The following SYTL3 variants were observed in gnomAD, a reference collection of about 807,000 sequenced individuals.
The protein encoded by SYTL3 is synaptotagmin-like protein 3.
In SYTL3, 88 loss-of-function variants were observed where a neutral mutation model predicts 82.1. The observed-to-expected ratio is 1.07, with a 90% confidence interval of 0.90 to 1.28. The LOEUF (loss-of-function observed/expected upper bound fraction) is 1.28, where lower values mean the gene tolerates loss of function less well. Ranked by LOEUF, SYTL3 falls within the 50% of genes most tolerant of loss-of-function variation. The probability of loss-of-function intolerance (pLI) is 0.00; values close to 1 mark genes in which losing one functional copy is unlikely to be tolerated. For synonymous variants in SYTL3, 311 were observed against 289.4 expected (o/e 1.07, Z -0.76); for missense variants, 831 against 757.6 (o/e 1.10, Z -1.14).
intron 5 of SYTL3, among the ~76,000 whole-genome samples, chr6:158,670,112 T>A (rs1777196930): frequency 2.0e-5 from 3 of 152,374 alleles, no homozygotes; most frequent in Non-Finnish European, 4.4e-5. Context: ...TCTAATTATG[T>A]TTCTGCCTAA....
At chr6:158,665,255 C>A in intron 4 of SYTL3, 140 bp from the exon 5 acceptor site, 1 of 720,752 alleles carries the variant, frequency 1.4e-6, no homozygotes, top group Non-Finnish European at 2.3e-6. Flanking sequence ...GCCCAGTTCA[C>A]ACAGCCATGT....
intron 8 of SYTL3, among the ~76,000 whole-genome samples, chr6:158,711,234 A>G (rs1583326917): frequency 6.6e-6 from 1 of 152,274 alleles, no homozygotes; most frequent in East Asian, 1.9e-4. Flanking sequence ...TACTCATATC[A>G]CAGGCTTTTT....
At chr6:158,686,205 T>C (rs977740861) in intron 6 of SYTL3, among the ~76,000 whole-genome samples, 9 of 152,218 alleles carry the variant, frequency 5.9e-5, no homozygotes, top group Admixed American at 1.3e-4. Context: ...ACTGATGTCT[T>C]AGGGTTTTCT....
intron 5 of SYTL3, among the ~76,000 whole-genome samples, chr6:158,680,713 C>T (rs986684049): frequency 1.3e-5 from 2 of 152,124 alleles, no homozygotes; most frequent in Non-Finnish European, 2.9e-5. Context: ...GATCGCGCCA[C>T]TGCACTCCAG....
intron 11 of SYTL3, among the ~76,000 whole-genome samples, chr6:158,731,447 C>T (rs947271787): frequency 2.6e-5 from 4 of 152,136 alleles, no homozygotes; most frequent in African/African-American, 9.7e-5. Context: ...CTGCTAACCA[C>T]CAAGACTGCC....
chr6:158,725,431 A>C, intron 10 of SYTL3, 72 bp from the exon 11 acceptor site: 1 of 1,547,114 alleles, frequency 6.5e-7, no homozygotes, highest in Admixed American at 1.8e-5. Flanking sequence ...ATGCTTGCTG[A>C]AGTCACCACA....
Position 158,764,499 on chromosome 6 carries a change from A to G in SYTL3, c.1728A>G (p.Gly576=), listed in dbSNP as rs771161407. The G allele has an allele frequency of 1.1e-5, 18 of 1,612,514 alleles. No individual in the cohort carries two copies. The highest frequency in any genetic ancestry group is 1.4e-5 in the Non-Finnish European group (17 of 1,178,942). Residue 576 remains glycine (G), a synonymous_variant, in exon 18 of 18, where the codon GGA becomes GGG. Transcript: ENST00000611299. ...AATTGTCTTCCTCTCTTACAGAGGG[A>G]GACACAGCTGTTGGCGGGGATGCAT... ...LLGGTRLGSK[G]DTAVGGDACS... is the part of the protein sequence containing the mutation.
intron 6 of SYTL3, among the ~76,000 whole-genome samples, chr6:158,691,086 C>A (rs1779810821): frequency 6.6e-6 from 1 of 152,158 alleles, no homozygotes; most frequent in African/African-American, 2.4e-5. Flanking sequence ...GTGGCTCATG[C>A]CTGTAATCCC....
Position 158,762,148 on chromosome 6 carries a change from C to T in SYTL3, c.1487C>T (p.Pro496Leu). The change falls in exon 16 of 18, where the codon CCA (proline) becomes CTA (leucine). Residue 496 changes from proline to leucine, a missense_variant. Physicochemically the swap from Pro to Leu is moderately conservative, Grantham distance 98. Transcript: ENST00000611299. ...GGAGCCAAGAATTTACCTGTGCGGCCAGATGGCACCTTGAACTCATTTGTT... is the reference window on the plus strand; with the variant it reads ...GGAGCCAAGAATTTACCTGTGCGGCTAGATGGCACCTTGAACTCATTTGTT... ...VLGAKNLPVRPDGTLNSFVKG... is the reference protein window; with the variant it reads ...VLGAKNLPVRLDGTLNSFVKG... 6.2e-7 allele frequency: 1 copy of T among 1,613,712 alleles called. No individual in the cohort carries two copies. Among genetic ancestry groups the T allele is most frequent in the Non-Finnish European group, 8.5e-7 (1 of 1,179,868 alleles).
At chr6:158,688,703 T>C (rs1450631769) in intron 6 of SYTL3, among the ~76,000 whole-genome samples, 1 of 152,198 alleles carries the variant, frequency 6.6e-6, no homozygotes, top group Non-Finnish European at 1.5e-5. Context: ...ATTGTTGACA[T>C]TTTAGTATAT....
At chr6:158,676,053 A>G (rs2128394039) in intron 5 of SYTL3, among the ~76,000 whole-genome samples, 1 of 152,322 alleles carries the variant, frequency 6.6e-6, no homozygotes, top group South Asian at 2.1e-4. Context: ...GGAAAAAACT[A>G]CTTTCAAGTT....
chr6:158,721,787 C>A (rs1784135607), intron 10 of SYTL3, among the ~76,000 whole-genome samples: 1 of 152,080 alleles, frequency 6.6e-6, no homozygotes, highest in African/African-American at 2.4e-5. Flanking sequence ...CATGCACCAC[C>A]ACACCTGGCT....
chr6:158,740,942 C>G (rs930205737), intron 11 of SYTL3, among the ~76,000 whole-genome samples: 1 of 152,136 alleles, frequency 6.6e-6, no homozygotes, highest in African/African-American at 2.4e-5. Flanking sequence ...TTTTCTGCAT[C>G]CTTCTGGTTG....
At chr6:158,712,851 C>T (rs527343713) in intron 8 of SYTL3, among the ~76,000 whole-genome samples, 12 of 151,620 alleles carry the variant, frequency 7.9e-5, no homozygotes, top group South Asian at 4.2e-4. Flanking sequence ...CTCCGCCTCC[C>T]GGGTTCACAC....
chr6:158,649,576 G>A (rs1394033642), upstream of SYTL3, among the ~76,000 whole-genome samples: 2 of 152,210 alleles, frequency 1.3e-5, no homozygotes, highest in East Asian at 1.9e-4. Flanking sequence ...CCTAGTACAC[G>A]CACAGCATTT....
chr6:158,680,984 G>A (rs1778628737), intron 5 of SYTL3, among the ~76,000 whole-genome samples: 1 of 152,156 alleles, frequency 6.6e-6, no homozygotes, highest in Non-Finnish European at 1.5e-5. Context: ...ACATTAGCAA[G>A]CATTAATTTT....
chr6:158,676,563 A>G (rs1356050379), intron 5 of SYTL3, among the ~76,000 whole-genome samples: 1 of 152,002 alleles, frequency 6.6e-6, no homozygotes, highest in African/African-American at 2.4e-5. Context: ...ATGGGATCTA[A>G]TTAAACTAAA....
intron 11 of SYTL3, among the ~76,000 whole-genome samples, chr6:158,732,560 G>C (rs1052578414): frequency 6.6e-6 from 1 of 152,204 alleles, no homozygotes; most frequent in African/African-American, 2.4e-5. Flanking sequence ...ATAGTAAACT[G>C]TGCCAGACTC....
intron 5 of SYTL3, among the ~76,000 whole-genome samples, chr6:158,673,806 G>A (rs571438440): frequency 1.3e-5 from 2 of 150,998 alleles, no homozygotes; most frequent in East Asian, 2.0e-4. Flanking sequence ...TCCTCGGGCC[G>A]GGCGTGGTGG....
Sources: allele counts gnomAD v4.1 joint callset (sites outside exome capture counted in the v4.1 genomes callset), GRCh38; gene constraint gnomAD v4.1.1; transcripts MANE v1.5; gene names NCBI Gene and HGNC (gene_info 2026-07-23, HGNC 2026-07-21).